The following SLC8A1 variants were observed in gnomAD, a reference collection of about 807,000 sequenced individuals.
SLC8A1 encodes the protein solute carrier family 8 member A1, also known as sodium/calcium exchanger 1.
SLC8A1 carries 18 observed loss-of-function variants against 68.3 expected under a neutral mutation model. That is an observed-to-expected ratio of 0.26 (90% CI 0.18 to 0.39). SLC8A1 has a LOEUF of 0.39. Ranked by LOEUF, SLC8A1 falls within the 10% of genes least tolerant of loss-of-function variation. SLC8A1 has a pLI of 1.00. For synonymous variants in SLC8A1, 475 were observed against 415.5 expected (o/e 1.14, Z -1.74); for missense variants, 985 against 1,156.7 (o/e 0.85, Z 2.15).
intron 2 of SLC8A1, among the ~76,000 whole-genome samples, chr2:40,398,539 G>A (rs930766027): frequency 6.6e-6 from 1 of 152,130 alleles, no homozygotes; most frequent in Non-Finnish European, 1.5e-5. Context: ...CCATTAAGGT[G>A]ACCCACTAAC....
At chr2:40,118,331 T>C (rs13005439) in intron 7 of SLC8A1, 62,243 of 152,082 alleles carry the variant, frequency 0.41, 13,413 homozygotes, top group East Asian at 0.8. Flanking sequence ...GGTGGCCCTG[T>C]TCCTTTCACT....
At chr2:40,432,302 T>A (rs370740108) in intron 1 of SLC8A1, among the ~76,000 whole-genome samples, 2 of 151,432 alleles carry the variant, frequency 1.3e-5, no homozygotes, top group East Asian at 1.9e-4. Context: ...TATATTCTAA[T>A]GGTGGAGGAA....
chr2:40,489,785 A>C (rs1559766333), intron 1 of SLC8A1, among the ~76,000 whole-genome samples: 1 of 151,944 alleles, frequency 6.6e-6, no homozygotes, highest in African/African-American at 2.4e-5. Context: ...CCCTGGGGTT[A>C]GTCTCTGAGC....
At position 40,451,736 on chromosome 2, in the gene SLC8A1, AT is replaced by A. The variant is rs1281072697; in HGVS notation, c.-25+167del. On this transcript the variant is annotated intron_variant, in intron 1 of 7. Transcript: ENST00000406785. ...AAATGTGCAGGCGCGCACACACCAC[AT>A]CACACACACACACACACACACACAC... Among the ~76,000 whole-genome samples the A allele has an allele frequency of 2.3e-3, 107 of 46,494 alleles. 2 individuals carry two copies. Among genetic ancestry groups the A allele is most frequent in the African/African-American group, 7.5e-3 (99 of 13,122 alleles). 30.5% of individuals were successfully genotyped at this position (46,494 alleles called of 152,430 possible). A position where few individuals can be genotyped will look rare whatever the true frequency, so the allele number is the denominator to read the frequency against.
At chr2:40,277,828 ATATT>A (rs200616333) in intron 2 of SLC8A1, among the ~76,000 whole-genome samples, 1 of 134,578 alleles carries the variant, frequency 7.4e-6, no homozygotes. Context: ...ATATATATAT[ATATT>A]TGTAACATAT....
chr2:40,317,542 A>G (rs2074631512), intron 2 of SLC8A1, among the ~76,000 whole-genome samples: 1 of 152,118 alleles, frequency 6.6e-6, no homozygotes, highest in African/African-American at 2.4e-5. Flanking sequence ...TAAAATGAAA[A>G]TACTTTTAAA....
intron 2 of SLC8A1, among the ~76,000 whole-genome samples, chr2:40,319,003 G>A (rs901176259): frequency 1.3e-5 from 2 of 152,038 alleles, no homozygotes; most frequent in Admixed American, 6.6e-5. Flanking sequence ...TACACCAACT[G>A]GAAAGCTTTC....
At chr2:40,403,344 G>T (rs979141714) in intron 2 of SLC8A1, among the ~76,000 whole-genome samples, 5 of 152,132 alleles carry the variant, frequency 3.3e-5, no homozygotes, top group Non-Finnish European at 7.3e-5. Flanking sequence ...TGGTTAGCAG[G>T]TTATCAATGT....
intron 2 of SLC8A1, among the ~76,000 whole-genome samples, chr2:40,420,370 A>G (rs1559609124): frequency 1.4e-5 from 2 of 145,964 alleles, no homozygotes; most frequent in African/African-American, 5.1e-5. Flanking sequence ...TAAAAAAAAA[A>G]AACAGACCAA....
intron 2 of SLC8A1, among the ~76,000 whole-genome samples, chr2:40,238,471 G>A (rs906632863): frequency 2.6e-5 from 4 of 151,902 alleles, no homozygotes; most frequent in African/African-American, 4.8e-5. Flanking sequence ...GCTCGCACAC[G>A]GTGCGCGCAC....
intron 5 of SLC8A1, among the ~76,000 whole-genome samples, chr2:40,162,238 C>G (rs1423049822): frequency 1.3e-5 from 2 of 152,212 alleles, no homozygotes; most frequent in African/African-American, 4.8e-5. Flanking sequence ...ACTTGAAGCA[C>G]TTGACCAGCA....
intron 2 of SLC8A1, among the ~76,000 whole-genome samples, chr2:40,404,489 T>C (rs1417385562): frequency 1.3e-5 from 2 of 152,156 alleles, no homozygotes; most frequent in African/African-American, 4.8e-5. Flanking sequence ...GCAACAGCTA[T>C]CAAATATGTA....
At chr2:40,170,154 G>A in intron 4 of SLC8A1, 127 bp downstream of exon 7, 1 of 814,958 alleles carries the variant, frequency 1.2e-6, no homozygotes, top group Non-Finnish European at 2.0e-6. Flanking sequence ...CTGGCTGCCA[G>A]AGAAGCTGCA....
chr2:40,134,899 T>G (rs1430665445), intron 7 of SLC8A1, among the ~76,000 whole-genome samples: 2 of 152,098 alleles, frequency 1.3e-5, no homozygotes, highest in African/African-American at 4.8e-5. Flanking sequence ...AAATCCAGAA[T>G]GTAATAAATA....
chr2:40,392,938 G>C (rs2149608147), intron 2 of SLC8A1, among the ~76,000 whole-genome samples: 1 of 152,204 alleles, frequency 6.6e-6, no homozygotes, highest in East Asian at 1.9e-4. Flanking sequence ...GAACTCTAAA[G>C]ATTATAGTGT....
At chr2:40,387,224 C>T (rs577108222) in intron 2 of SLC8A1, among the ~76,000 whole-genome samples, 1 of 151,302 alleles carries the variant, frequency 6.6e-6, no homozygotes, top group Non-Finnish European at 1.5e-5. Context: ...TACATCTTTA[C>T]TTGGATATTT....
intron 1 of SLC8A1, among the ~76,000 whole-genome samples, chr2:40,493,775 C>G (rs1362998995): frequency 6.6e-6 from 1 of 151,836 alleles, no homozygotes; most frequent in Admixed American, 6.6e-5. Flanking sequence ...CTGCCTCAGC[C>G]TCCTGAGTAG....
intron 1 of SLC8A1, among the ~76,000 whole-genome samples, chr2:40,437,581 C>T (rs13031843): frequency 0.05 from 7,536 of 152,098 alleles, 351 homozygotes; most frequent in East Asian, 0.25. Context: ...AAGAGGGGAA[C>T]GGATAATGAA....
rs1346496187 is a variant in SLC8A1 at position 40,200,228 on chromosome 2, A to T, written c.1809-22373T>A. On this transcript the variant is annotated intron_variant, in intron 2 of 7. Transcript: ENST00000406785. ...TATAAATATATATATATTTTTTTATATATATATATAAATATATATATATAT... is the reference window on the plus strand; with the variant it reads ...TATAAATATATATATATTTTTTTATTTATATATATAAATATATATATATAT... Among the ~76,000 whole-genome samples the T allele has an allele frequency of 2.6e-4, 11 of 41,930 alleles. 1 individual carries two copies. Among genetic ancestry groups the T allele is most frequent in the African/African-American group, 7.4e-4 (10 of 13,426 alleles). 27.5% of individuals were successfully genotyped at this position (41,930 alleles called of 152,430 possible).
Sources: allele counts gnomAD v4.1 joint callset (sites outside exome capture counted in the v4.1 genomes callset), GRCh38; gene constraint gnomAD v4.1.1; transcripts MANE v1.5; gene names NCBI Gene and HGNC (gene_info 2026-07-23, HGNC 2026-07-21).